The following CTNNA2 variants were observed in gnomAD, a reference collection of about 807,000 sequenced individuals.
CTNNA2 encodes the protein catenin alpha 2, also known as catenin alpha-2.
In CTNNA2, 42 loss-of-function variants were observed where a neutral mutation model predicts 101.0. That is an observed-to-expected ratio of 0.42 (90% confidence interval 0.32 to 0.54). CTNNA2 has a LOEUF of 0.54. CTNNA2 is among the 20% of genes least tolerant of loss of function. The pLI is 0.14. For missense variants in CTNNA2, 871 were observed against 1,223.1 expected, an observed-to-expected ratio of 0.71 and a Z score of 4.29; for synonymous variants, 450 against 456.4, an observed-to-expected ratio of 0.99 and a Z score of 0.18.
chr2:79,814,949 T>G (rs7591857), intron 3 of CTNNA2, among the ~76,000 whole-genome samples: 45,307 of 152,006 alleles, frequency 0.3, 8,338 homozygotes, highest in African/African-American at 0.52. Context: ...TGTCTTTTGA[T>G]TTTTTGATTA....
chr2:79,495,920 T>C (rs1201996601), intron 4 of CTNNA2, among the ~76,000 whole-genome samples: 1 of 152,052 alleles, frequency 6.6e-6, no homozygotes, highest in African/African-American at 2.4e-5. Flanking sequence ...GGCAACTATA[T>C]AGAGATAGAA....
chr2:80,428,582 A>G (rs1442055457), intron 9 of CTNNA2, among the ~76,000 whole-genome samples: 1 of 152,202 alleles, frequency 6.6e-6, no homozygotes, highest in East Asian at 1.9e-4. Context: ...AAACTTTAAT[A>G]AAACATAGCC....
chr2:80,313,596 G>T, intron 7 of CTNNA2: 4 of 1,611,472 alleles, frequency 2.5e-6, no homozygotes, highest in Non-Finnish European at 3.4e-6. Context: ...CAGTCAGTAG[G>T]CAAAGTCTGT....
chr2:80,606,889 A>G (rs1217746637), intron 16 of CTNNA2, among the ~76,000 whole-genome samples: 4 of 151,816 alleles, frequency 2.6e-5, no homozygotes, highest in African/African-American at 9.7e-5. Flanking sequence ...CTCTGGGGAG[A>G]TATCATTTTA....
intron 1 of CTNNA2, among the ~76,000 whole-genome samples, chr2:79,570,975 G>C (rs925252966): frequency 3.3e-5 from 5 of 152,176 alleles, no homozygotes; most frequent in African/African-American, 1.2e-4. Context: ...TTCTGTGCCT[G>C]TGTGGCTTCT....
At position 79,669,383 on chromosome 2, in the gene CTNNA2, A is replaced by G. The variant is rs117049668; in HGVS notation, c.102+17725A>G. 2.1e-3 allele frequency among the ~76,000 whole-genome samples: 323 copies of G among 152,350 alleles called. 10 individuals are homozygous for G. The East Asian group carries it at 0.054, about 25-fold the overall frequency. ...GCTAGTCAGGTCTCTTAAAGTTACG[A>G]GACCTCTGGGGTGTCGATTTTTCTG... On this transcript the variant is annotated intron_variant, in intron 2 of 18. Coordinates refer to ENST00000402739, the MANE Select transcript of CTNNA2 (RefSeq NM_001282597.3).
chr2:79,224,518 T>C (rs1416966440), intron 2 of CTNNA2, among the ~76,000 whole-genome samples: 1 of 152,192 alleles, frequency 6.6e-6, no homozygotes, highest in Non-Finnish European at 1.5e-5. Context: ...AATTTCAATG[T>C]AAGTTGCAGA....
chr2:80,117,803 C>T (rs1701609951), intron 7 of CTNNA2, among the ~76,000 whole-genome samples: 1 of 152,254 alleles, frequency 6.6e-6, no homozygotes, highest in Admixed American at 6.5e-5. Context: ...CCTCAGCTTA[C>T]AACACATAGT....
chr2:80,539,167 C>T (rs1044428592), intron 9 of CTNNA2, among the ~76,000 whole-genome samples: 3 of 152,032 alleles, frequency 2.0e-5, no homozygotes, highest in Non-Finnish European at 4.4e-5. Context: ...CAATTTTTAA[C>T]TGTCTTATCA....
chr2:79,614,768 G>A (rs942988585), intron 1 of CTNNA2, among the ~76,000 whole-genome samples: 1 of 152,164 alleles, frequency 6.6e-6, no homozygotes, highest in African/African-American at 2.4e-5. Context: ...TGACAATTCA[G>A]TCTTTCCTGT....
At chr2:80,100,127 T>A (rs2148839547) in intron 7 of CTNNA2, among the ~76,000 whole-genome samples, 1 of 152,118 alleles carries the variant, frequency 6.6e-6, no homozygotes, top group East Asian at 1.9e-4. Flanking sequence ...AGAGATGGGG[T>A]TTCACCATGT....
chr2:80,347,765 C>T (rs573787475), intron 7 of CTNNA2, among the ~76,000 whole-genome samples: 9 of 152,180 alleles, frequency 5.9e-5, no homozygotes, highest in Admixed American at 4.6e-4. Context: ...TTCTGGTGTC[C>T]ACACCTCAGG....
chr2:80,063,786 A>G (rs1193484606), intron 7 of CTNNA2, among the ~76,000 whole-genome samples: 1 of 152,228 alleles, frequency 6.6e-6, no homozygotes, highest in African/African-American at 2.4e-5. Flanking sequence ...CTGAATTTAT[A>G]TTTGTAACAC....
intron 9 of CTNNA2, among the ~76,000 whole-genome samples, chr2:80,537,303 A>T (rs188822513): frequency 6.6e-6 from 1 of 152,186 alleles, no homozygotes; most frequent in Non-Finnish European, 1.5e-5. Flanking sequence ...TATGTGCCAT[A>T]TTTTCCTTAT....
chr2:79,258,838 C>T (rs1038814941), intron 2 of CTNNA2, among the ~76,000 whole-genome samples: 1 of 112,694 alleles, frequency 8.9e-6, no homozygotes, highest in African/African-American at 3.5e-5. Flanking sequence ...AAGGCCAAAT[C>T]CTCTACCAAA....
chr2:79,276,482 A>C (rs1240516271), intron 2 of CTNNA2, among the ~76,000 whole-genome samples: 1 of 152,078 alleles, frequency 6.6e-6, no homozygotes, highest in African/African-American at 2.4e-5. Context: ...TAAAAAGTAA[A>C]TCATTTTGCC....
intron 9 of CTNNA2, among the ~76,000 whole-genome samples, chr2:80,523,801 GACA>G (rs1689786459): frequency 6.6e-6 from 1 of 152,124 alleles, no homozygotes; most frequent in Non-Finnish European, 1.5e-5. Flanking sequence ...CTTCACAGAG[GACA>G]ACGTTTTAAT....
intron 4 of CTNNA2, among the ~76,000 whole-genome samples, chr2:79,498,691 C>T (rs573648136): frequency 6.6e-6 from 1 of 152,106 alleles, no homozygotes; most frequent in Non-Finnish European, 1.5e-5. Flanking sequence ...CTAACTACTT[C>T]ATCGGTTGGG....
chr2:79,610,911 T>G (rs1461424338), intron 1 of CTNNA2, among the ~76,000 whole-genome samples: 1 of 152,140 alleles, frequency 6.6e-6, no homozygotes, highest in Non-Finnish European at 1.5e-5. Context: ...TACAATATGA[T>G]CTTGAAGAAC....
Sources: gnomAD v4.1 joint callset for allele counts (sites outside exome capture counted in the v4.1 genomes callset) on GRCh38, gnomAD v4.1.1 for gene constraint, MANE v1.5 for transcripts, NCBI Gene and HGNC (gene_info 2026-07-23, HGNC 2026-07-21) for gene names.